Variants in WWOX observed in about 807,000 individuals in gnomAD.
The protein encoded by WWOX is WW domain containing oxidoreductase, also known as WW domain-containing oxidoreductase.
WWOX carries 69 observed loss-of-function variants against 46.2 expected under a neutral mutation model. The observed-to-expected ratio is 1.49, with a 90% CI of 1.23 to 1.82. The LOEUF (loss-of-function observed/expected upper bound fraction) is 1.82, where lower values mean the gene tolerates loss of function less well. Among genes scored for constraint, WWOX ranks in the 40% most tolerant of loss-of-function variants. The probability of loss-of-function intolerance (pLI) is 0.00; values close to 1 mark genes in which losing one functional copy is unlikely to be tolerated. For synonymous variants in WWOX, 359 were observed against 202.6 expected, an observed-to-expected ratio of 1.77 and a Z score of -6.56; for missense variants, 919 against 542.6, an observed-to-expected ratio of 1.69 and a Z score of -6.89.
rs190631631 is a variant in WWOX at position 78,418,150 on chromosome 16, G to A, written c.606-6720G>A. Among the ~76,000 whole-genome samples the A allele has an allele frequency of 6.6e-3, 1,006 of 151,916 alleles. 5 individuals carry two copies. The highest frequency in any genetic ancestry group is 0.011 in the Admixed American group (169 of 15,286). ...CTGAGGTGGGTGGATCACGAGGTCA[G>A]GAGGTCAAGACCATCCTGGCTAACA... On this transcript the variant is annotated intron_variant, in intron 6 of 8. Coordinates refer to ENST00000566780, the MANE Select transcript of WWOX (RefSeq NM_016373.4).
chr16:78,444,532 CTTTT>C (rs749332062), intron 8 of WWOX, among the ~76,000 whole-genome samples: 1 of 136,754 alleles, frequency 7.3e-6, no homozygotes, highest in African/African-American at 2.7e-5. Flanking sequence ...AGGAGCAATT[CTTTT>C]TTTTTTTTTT....
At chr16:78,399,580 C>T (rs1277732455) in intron 6 of WWOX, among the ~76,000 whole-genome samples, 1 of 152,146 alleles carries the variant, frequency 6.6e-6, no homozygotes, top group Non-Finnish European at 1.5e-5. Context: ...GCAGTGAGAC[C>T]ACCCACGCAG....
At chr16:78,792,855 G>A (rs1003176794) in intron 8 of WWOX, among the ~76,000 whole-genome samples, 5 of 152,034 alleles carry the variant, frequency 3.3e-5, no homozygotes, top group African/African-American at 7.2e-5. Context: ...TGCTCACCCC[G>A]GGGATTTAGC....
intron 8 of WWOX, among the ~76,000 whole-genome samples, chr16:79,093,648 A>G (rs2049010044): frequency 6.6e-6 from 1 of 152,140 alleles, no homozygotes; most frequent in Admixed American, 6.6e-5. Flanking sequence ...ACATCACGAC[A>G]TTACTTTTAC....
intron 8 of WWOX, among the ~76,000 whole-genome samples, chr16:78,744,857 T>C (rs73571695): frequency 3.9e-3 from 592 of 152,284 alleles, no homozygotes; most frequent in African/African-American, 0.013. Flanking sequence ...ACTAAAGTCA[T>C]TGGGTAAGCA....
intron 8 of WWOX, among the ~76,000 whole-genome samples, chr16:78,801,518 G>C (rs8050074): frequency 0.79 from 119,644 of 152,078 alleles, 47,424 homozygotes; most frequent in Middle Eastern, 0.88. Flanking sequence ...CAAAAATAAA[G>C]AAACCCTTGC....
At chr16:78,860,720 C>T (rs1373227049) in intron 8 of WWOX, among the ~76,000 whole-genome samples, 1 of 152,214 alleles carries the variant, frequency 6.6e-6, no homozygotes, top group Non-Finnish European at 1.5e-5. Context: ...CTTTAGTGCT[C>T]TGCTGCACTG....
intron 8 of WWOX, among the ~76,000 whole-genome samples, chr16:78,611,901 C>G (rs2045909094): frequency 1.3e-5 from 2 of 152,224 alleles, no homozygotes; most frequent in South Asian, 4.1e-4. Context: ...TTGGCTGAAG[C>G]AAATCATGTA....
At chr16:78,285,715 C>G (rs945047208) in intron 5 of WWOX, among the ~76,000 whole-genome samples, 1 of 152,122 alleles carries the variant, frequency 6.6e-6, no homozygotes, top group African/African-American at 2.4e-5. Context: ...AGTAATCGGC[C>G]CATATGTGCA....
intron 8 of WWOX, among the ~76,000 whole-genome samples, chr16:78,832,138 C>T (rs924740122): frequency 6.6e-6 from 1 of 152,140 alleles, no homozygotes; most frequent in African/African-American, 2.4e-5. Context: ...TCTGAAGTTG[C>T]CAGCAAGCTG....
intron 5 of WWOX, among the ~76,000 whole-genome samples, chr16:78,236,947 G>A (rs1225072742): frequency 6.6e-6 from 1 of 151,990 alleles, no homozygotes; most frequent in African/African-American, 2.4e-5. Context: ...GGTGGTGCAT[G>A]CCTGTAATCC....
intron 8 of WWOX, among the ~76,000 whole-genome samples, chr16:78,980,605 C>G (rs1296896770): frequency 6.6e-6 from 1 of 152,238 alleles, no homozygotes; most frequent in East Asian, 1.9e-4. Context: ...TGTAGGTATC[C>G]TGATGGTAAG....
At chr16:78,815,062 C>G (rs545250043) in intron 8 of WWOX, among the ~76,000 whole-genome samples, 2 of 152,202 alleles carry the variant, frequency 1.3e-5, no homozygotes, top group African/African-American at 2.4e-5. Flanking sequence ...CAGTGGCTCA[C>G]GCCTGTAATC....
intron 8 of WWOX, among the ~76,000 whole-genome samples, chr16:78,468,998 T>A (rs1479931311): frequency 6.6e-6 from 1 of 152,236 alleles, no homozygotes; most frequent in African/African-American, 2.4e-5. Flanking sequence ...TTGACTTAGC[T>A]ATCTTTCTTG....
At chr16:78,618,788 A>G (rs974703542) in intron 8 of WWOX, among the ~76,000 whole-genome samples, 3 of 151,814 alleles carry the variant, frequency 2.0e-5, no homozygotes, top group Non-Finnish European at 4.4e-5. Flanking sequence ...AGGAGAAGGA[A>G]GCTTGGAGTC....
At chr16:78,345,458 CAAAAAAAAAAAAAAAAAAAAAA>C (rs71137889) in intron 5 of WWOX, among the ~76,000 whole-genome samples, 2 of 26,780 alleles carry the variant, frequency 7.5e-5, no homozygotes, top group East Asian at 6.5e-4. Flanking sequence ...CCATCGCTAC[CAAAAAAAAAAAAAAAAAAAAAA>C]AAAAAAAAAA....
At chr16:78,643,894 G>T (rs1220415587) in intron 8 of WWOX, among the ~76,000 whole-genome samples, 5 of 150,856 alleles carry the variant, frequency 3.3e-5, no homozygotes, top group African/African-American at 1.2e-4. Context: ...CAGCTCCCTT[G>T]ATATCTTGAT....
At chr16:78,906,795 T>A (rs2044976881) in intron 8 of WWOX, among the ~76,000 whole-genome samples, 1 of 152,254 alleles carries the variant, frequency 6.6e-6, no homozygotes, top group Non-Finnish European at 1.5e-5. Context: ...TGACCCTTTA[T>A]CACCCACAGT....
intron 4 of WWOX, among the ~76,000 whole-genome samples, chr16:78,152,524 A>C (rs570318607): frequency 5.9e-5 from 9 of 152,206 alleles, no homozygotes; most frequent in African/African-American, 2.2e-4. Flanking sequence ...TTAATCTATG[A>C]AGTTGCCTGG....
Sources: allele counts gnomAD v4.1 joint callset (sites outside exome capture counted in the v4.1 genomes callset), GRCh38; gene constraint gnomAD v4.1.1; transcripts MANE v1.5; gene names NCBI Gene and HGNC (gene_info 2026-07-23, HGNC 2026-07-21).